THOC1: variants seen among roughly 807,000 people sequenced by gnomAD.
THOC1 encodes the protein THO complex 1.
Under a neutral mutation model 97.3 loss-of-function variants are expected in THOC1, and 29 were observed. The observed-to-expected ratio is 0.30, with a 90% confidence interval of 0.22 to 0.41. THOC1 has a LOEUF of 0.41. THOC1 is among the 10% of genes least tolerant of loss of function. THOC1 has a pLI of 1.00. For synonymous variants in THOC1, 255 were observed against 257.0 expected (o/e 0.99, Z 0.07); for missense variants, 529 against 761.9 (o/e 0.69, Z 3.60).
chr18:215,961 C>CT (rs1910868657), intron 19 of THOC1, among the ~76,000 whole-genome samples: 1 of 152,098 alleles, frequency 6.6e-6, no homozygotes, highest in South Asian at 2.1e-4. Context: ...GTATCACGAA[C>CT]TTTAATTTTT....
At chr18:256,538 T>C (rs975564349) in intron 7 of THOC1, among the ~76,000 whole-genome samples, 3 of 152,238 alleles carry the variant, frequency 2.0e-5, no homozygotes, top group Admixed American at 6.5e-5. Flanking sequence ...AAGAAAGTGG[T>C]TTCTCGAGAT....
chr18:218,975 C>T lies in THOC1; in HGVS notation c.1371-6G>A, dbSNP rs760663381. ...CCAAAGTGGGCATGTGTTCCCTGAGCGGTACAAAAATAACCAGTGAGGATG... is the reference window on the plus strand; with the variant it reads ...CCAAAGTGGGCATGTGTTCCCTGAGTGGTACAAAAATAACCAGTGAGGATG... On this transcript the variant is annotated splice_region_variant and splice_polypyrimidine_tract_variant and intron_variant, in intron 17 of 20. Coordinates refer to ENST00000261600, the MANE Select transcript of THOC1 (RefSeq NM_005131.3). 14 of 1,591,634 alleles carry T rather than the reference C, an allele frequency of 8.8e-6. No individual in the cohort carries two copies. In the East Asian group the frequency reaches 1.6e-4, roughly 18 times the overall value.
Position 236,288 on chromosome 18 carries a change from T to C in THOC1, c.919-9387A>G, listed in dbSNP as rs528917343. Among the ~76,000 whole-genome samples the C allele has an allele frequency of 7.2e-5, 11 of 152,108 alleles. No homozygotes were observed. In the South Asian group the frequency reaches 2.3e-3, roughly 32 times the overall value. The stretch of plus-strand genomic sequence containing the variant: ...AAGCTTCTTAGGTCTGCTTTTTTCC[T>C]TCTTACTGAAAATCATGGAATTACA... On this transcript the variant is annotated intron_variant, in intron 11 of 20. Transcript: ENST00000261600.
Position 218,958 on chromosome 18 carries a change from G to A in THOC1, c.1382C>T (p.Pro461Leu). 6.2e-7 allele frequency: 1 copy of A among 1,602,552 alleles called. No individual in the cohort carries two copies. The highest frequency in any genetic ancestry group is 1.1e-5 in the South Asian group (1 of 88,864). ...ACKSETREHM[P>L]TLEEFFEEAI... ...TTCTTCAAAGAATTCCTCCAAAGTGGGCATGTGTTCCCTGAGCGGTACAAA... is the reference window on the plus strand; with the variant it reads ...TTCTTCAAAGAATTCCTCCAAAGTGAGCATGTGTTCCCTGAGCGGTACAAA... Residue 461 changes from proline to leucine, a missense_variant, in exon 18 of 21, where the codon CCC (proline) becomes CTC (leucine). Coordinates refer to ENST00000261600, the MANE Select transcript of THOC1 (RefSeq NM_005131.3).
chr18:267,332 TCA>T (rs1424062769), intron 1 of THOC1, among the ~76,000 whole-genome samples: 1 of 152,186 alleles, frequency 6.6e-6, no homozygotes, highest in African/African-American at 2.4e-5. Flanking sequence ...TTAGCCTACT[TCA>T]CAGTGTTACT....
At chr18:266,539 A>AT (rs10644972) in intron 1 of THOC1, among the ~76,000 whole-genome samples, 38,761 of 136,030 alleles carry the variant, frequency 0.28, 5,942 homozygotes, top group East Asian at 0.52. Flanking sequence ...GGCTAGTATG[A>AT]TTTTTTTTTT....
chr18:217,262 A>G (rs1233948006), intron 18 of THOC1, among the ~76,000 whole-genome samples: 3 of 152,214 alleles, frequency 2.0e-5, no homozygotes, highest in Middle Eastern at 3.2e-3. Flanking sequence ...AGACTTAACA[A>G]AAACTACCCA....
At chr18:216,450 A>G in intron 19 of THOC1, 36 bp downstream of exon 19, 1 of 1,601,772 alleles carries the variant, frequency 6.2e-7, no homozygotes, top group African/African-American at 1.3e-5. Context: ...GAAGATGTCA[A>G]CTAAAGGGTA....
rs1159734385 is a variant in THOC1, at chr18:216,475, A to G, written c.1602+11T>C. On this transcript the variant is annotated intron_variant, in intron 19 of 20. Coordinates refer to ENST00000261600, the MANE Select transcript of THOC1 (RefSeq NM_005131.3). The stretch of plus-strand genomic sequence containing the variant: ...ACTAAAGGGTATGAAAAGTTGATCT[A>G]TGGTACTTACCGGTAATTCCTTGGC... 8.1e-6 allele frequency: 13 copies of G among 1,612,892 alleles called. No individual in the cohort carries two copies. Among genetic ancestry groups the G allele is most frequent in the African/African-American group, 6.7e-5 (5 of 74,902 alleles).
chr18:252,732 C>A, intron 8 of THOC1, 120 bp from the exon 9 acceptor site: 2 of 763,018 alleles, frequency 2.6e-6, no homozygotes, highest in South Asian at 3.1e-5. Flanking sequence ...GAAGTCTAGT[C>A]ACTAACTATC....
chr18:253,860 A>C (rs1272388476), intron 8 of THOC1, among the ~76,000 whole-genome samples: 1 of 151,864 alleles, frequency 6.6e-6, no homozygotes, highest in Non-Finnish European at 1.5e-5. Flanking sequence ...TAAAGTTAAA[A>C]GTTTTTAAAT....
intron 11 of THOC1, among the ~76,000 whole-genome samples, chr18:236,279 C>T (rs1262511309): frequency 7.3e-5 from 11 of 150,344 alleles, no homozygotes; most frequent in Non-Finnish European, 1.6e-4. Context: ...CTTAGGTCTG[C>T]TTTTTTCCTT....
chr18:254,182 G>C lies in THOC1; in HGVS notation c.603+91C>G, dbSNP rs575612537. 3.3e-6 allele frequency: 3 copies of C among 897,408 alleles called. No individual in the cohort carries two copies. Among genetic ancestry groups the C allele is most frequent in the Middle Eastern group, 4.3e-4 (2 of 4,688 alleles). The allele number at this position is 897,408 out of a possible 1,614,324, so 55.6% of individuals were successfully genotyped here. A position where few individuals can be genotyped will look rare whatever the true frequency, so the allele number is the denominator to read the frequency against. On this transcript the variant is annotated intron_variant, in intron 8 of 20. Transcript: ENST00000261600. The surrounding 1 kb of genome is among the most constrained non-coding windows in gnomAD (Gnocchi z 4.1). ...CCACCTCAGCCTCCCAAAGTGCTAG[G>C]ATTACAAGTGTGAGCCACTGTGCCT...
Position 214,768 on chromosome 18 carries a change from A to G in THOC1, c.1832T>C (p.Met611Thr). The change falls in exon 21 of 21, where the codon ATG becomes ACG. Residue 611 changes from methionine (M) to threonine (T), a missense_variant. Around this residue, in one of 8 missense-constraint regions of THOC1, gnomAD observed 98 missense variants for 111.9 expected, o/e 0.88. Coordinates refer to ENST00000261600, the MANE Select transcript of THOC1 (RefSeq NM_005131.3). ...QIECDSEDMK[M>T]RAKQLLVAWQ... ...GGCAACCAGGAGCTGCTTAGCTCTC[A>G]TCTTCATGTCTTCACTGTCACACTC... The G allele has an allele frequency of 6.2e-7, 1 of 1,613,960 alleles. No homozygotes were observed. Among genetic ancestry groups the G allele is most frequent in the Non-Finnish European group, 8.5e-7 (1 of 1,179,862 alleles).
intron 11 of THOC1, among the ~76,000 whole-genome samples, chr18:235,460 T>C (rs567982018): frequency 6.6e-6 from 1 of 152,268 alleles, no homozygotes; most frequent in African/African-American, 2.4e-5. Flanking sequence ...TTTCCATTAA[T>C]GCATATGAAG....
At chr18:244,465 C>T (rs1912018291) in intron 11 of THOC1, 1 of 152,046 alleles carries the variant, frequency 6.6e-6, no homozygotes. Flanking sequence ...GTATATTTAA[C>T]TCGGTATAAA....
rs1431873550 is a variant in THOC1, at chr18:248,129, CAT to C, written c.678-174_678-173del. Among the ~76,000 whole-genome samples, 5 of 152,146 alleles carry C rather than the reference CAT, an allele frequency of 3.3e-5. No homozygotes were observed. In the East Asian group the frequency reaches 9.6e-4, roughly 29 times the overall value. On this transcript the variant is annotated intron_variant, in intron 9 of 20. Transcript: ENST00000261600. The stretch of plus-strand genomic sequence containing the variant: ...CTTTTACAAATCATTTTAGGGAACT[CAT>C]AGACCCCAATAGACTCTTTATCTAC...
Position 266,828 on chromosome 18 carries a change from C to T in THOC1, c.54+1138G>A, listed in dbSNP as rs142776617. On this transcript the variant is annotated intron_variant, in intron 1 of 20. Transcript: ENST00000261600. ...CTGCATTTACAGGCGTGAGCCACTG[C>T]GCCCGGCCGCCAATATGATCTTGGA... is the stretch of plus-strand genomic sequence containing the variant. Among the ~76,000 whole-genome samples, 635 of 152,244 alleles carry T rather than the reference C, an allele frequency of 4.2e-3. 4 individuals are homozygous for T. The highest frequency in any genetic ancestry group is 0.014 in the African/African-American group (594 of 41,546).
chr18:268,010 T>TCGGAGACATCTTCTCGGCTGCGC lies in THOC1; in HGVS notation c.-14_9dup (p.Thr4AlafsTer30), dbSNP rs748802533. On this transcript the variant is annotated frameshift_variant, in exon 1 of 21. Transcript: ENST00000261600. LOFTEE classifies it high-confidence loss of function. ...TCGGGCAAACTGAAGAGCGGCGGCG[T>TCGGAGACATCTTCTCGGCTGCGC]CGGAGACATCTTCTCGGCTGCGCGT... The TCGGAGACATCTTCTCGGCTGCGC allele has an allele frequency of 2.5e-6, 4 of 1,605,582 alleles. No individual in the cohort carries two copies. Among genetic ancestry groups the TCGGAGACATCTTCTCGGCTGCGC allele is most frequent in the African/African-American group, 1.3e-5 (1 of 74,658 alleles).
Sources: gnomAD v4.1 joint callset for allele counts (sites outside exome capture counted in the v4.1 genomes callset) on GRCh38, gnomAD v4.1.1 for gene constraint, gnomAD v4.1.1 regional missense constraint, Gnocchi (gnomAD v3.1) non-coding constraint, MANE v1.5 for transcripts, NCBI Gene and HGNC (gene_info 2026-07-23, HGNC 2026-07-21) for gene names.